NRG1: variants seen among roughly 807,000 people sequenced by gnomAD.
NRG1 encodes the protein pro-neuregulin-1, membrane-bound isoform.
Under a neutral mutation model 63.8 loss-of-function variants are expected in NRG1, and 18 were observed. The observed-to-expected ratio is 0.28, with a 90% CI of 0.19 to 0.42. The LOEUF is 0.42. NRG1 is among the 10% of genes least tolerant of loss of function. The pLI is 1.00. For synonymous variants in NRG1, 302 were observed against 301.3 expected, an observed-to-expected ratio of 1.00 and a Z score of -0.02; for missense variants, 762 against 814.7, an observed-to-expected ratio of 0.94 and a Z score of 0.79.
intron 1 of NRG1, among the ~76,000 whole-genome samples, chr8:31,900,711 TA>T (rs1354899176): frequency 1.3e-5 from 2 of 152,192 alleles, no homozygotes; most frequent in Non-Finnish European, 2.9e-5. Context: ...GTGGCGTATA[TA>T]AACTCCCACT....
At chr8:32,616,731 C>A in intron 4 of NRG1, 104 bp from the exon 5 acceptor site, 1 of 818,558 alleles carries the variant, frequency 1.2e-6, no homozygotes, top group Non-Finnish European at 2.2e-6. Context: ...GCACGGTGTT[C>A]TACTACTCTT....
intron 1 of NRG1, among the ~76,000 whole-genome samples, chr8:31,722,165 G>T (rs1158468654): frequency 6.6e-6 from 1 of 152,034 alleles, no homozygotes; most frequent in East Asian, 1.9e-4. Context: ...TCAGCCCCTG[G>T]CTACTTCCCT....
At chr8:32,155,341 T>A (rs760920228) in intron 1 of NRG1, among the ~76,000 whole-genome samples, 3 of 152,222 alleles carry the variant, frequency 2.0e-5, no homozygotes, top group African/African-American at 7.2e-5. Context: ...TTGAGTTTTC[T>A]TCCTTCAATT....
intron 1 of NRG1, among the ~76,000 whole-genome samples, chr8:32,318,065 G>A (rs1484400262): frequency 1.3e-5 from 2 of 152,164 alleles, no homozygotes; most frequent in African/African-American, 2.4e-5. Context: ...AAGAAAGGTA[G>A]GAAATAATCA....
intron 1 of NRG1, among the ~76,000 whole-genome samples, chr8:31,684,688 C>T (rs978105201): frequency 4.0e-5 from 6 of 151,784 alleles, no homozygotes; most frequent in East Asian, 3.9e-4. Flanking sequence ...TTTTTTTCAA[C>T]GTGTGATGTA....
At chr8:31,828,920 G>A (rs1274879806) in intron 1 of NRG1, among the ~76,000 whole-genome samples, 3 of 152,184 alleles carry the variant, frequency 2.0e-5, no homozygotes, top group Non-Finnish European at 2.9e-5. Flanking sequence ...CCTATTGAGT[G>A]TCAGTCATTT....
chr8:32,312,107 T>G (rs1057491891), intron 1 of NRG1, among the ~76,000 whole-genome samples: 5 of 151,748 alleles, frequency 3.3e-5, no homozygotes, highest in Admixed American at 6.6e-5. Context: ...AAATGTGGCT[T>G]TCTAGAACAC....
chr8:32,453,758 C>T (rs1282034920), intron 1 of NRG1, among the ~76,000 whole-genome samples: 2 of 152,152 alleles, frequency 1.3e-5, no homozygotes, highest in Admixed American at 6.5e-5. Context: ...CGACCTAAAA[C>T]ATTTATAATA....
chr8:32,015,616 G>A (rs905710943), intron 1 of NRG1, among the ~76,000 whole-genome samples: 122 of 152,172 alleles, frequency 8.0e-4, no homozygotes, highest in African/African-American at 2.7e-3. Flanking sequence ...ACACTTGTGC[G>A]CACGTAAATC....
intron 1 of NRG1, among the ~76,000 whole-genome samples, chr8:32,257,368 T>C (rs980435151): frequency 3.3e-5 from 5 of 152,164 alleles, no homozygotes; most frequent in Non-Finnish European, 5.9e-5. Flanking sequence ...TGTCTGCCCA[T>C]ATGGTAACCA....
At chr8:31,930,921 C>T (rs962185156) in intron 1 of NRG1, among the ~76,000 whole-genome samples, 1 of 152,172 alleles carries the variant, frequency 6.6e-6, no homozygotes, top group Non-Finnish European at 1.5e-5. Flanking sequence ...CCAGATGTTA[C>T]AGGCTCATGT....
intron 1 of NRG1, among the ~76,000 whole-genome samples, chr8:32,197,232 G>C (rs1426672322): frequency 1.3e-5 from 2 of 151,998 alleles, no homozygotes; most frequent in Non-Finnish European, 2.9e-5. Flanking sequence ...AAAGTGCTGG[G>C]ATTACAAGCA....
intron 1 of NRG1, among the ~76,000 whole-genome samples, chr8:31,996,814 G>A (rs1410296629): frequency 6.6e-6 from 1 of 151,934 alleles, no homozygotes; most frequent in African/African-American, 2.4e-5. Flanking sequence ...TGGTTGGATT[G>A]ATTTGTTGAG....
intron 1 of NRG1, among the ~76,000 whole-genome samples, chr8:32,261,072 A>G (rs942880958): frequency 3.0e-4 from 45 of 152,288 alleles, no homozygotes; most frequent in African/African-American, 8.4e-4. Context: ...ATGACCTTAG[A>G]TTTATGGGAA....
chr8:31,707,519 T>C (rs1396052410), intron 1 of NRG1, among the ~76,000 whole-genome samples: 2 of 152,116 alleles, frequency 1.3e-5, no homozygotes, highest in Non-Finnish European at 2.9e-5. Context: ...TTAACTTGTT[T>C]TATTCAAACA....
chr8:32,229,645 A>T (rs1447896623), intron 1 of NRG1, among the ~76,000 whole-genome samples: 1 of 152,128 alleles, frequency 6.6e-6, no homozygotes, highest in Non-Finnish European at 1.5e-5. Context: ...AACAAAAGAG[A>T]AAAAACAGAG....
chr8:32,451,796 G>T (rs965850587), intron 1 of NRG1, among the ~76,000 whole-genome samples: 2 of 152,064 alleles, frequency 1.3e-5, no homozygotes, highest in Non-Finnish European at 2.9e-5. Flanking sequence ...TATTTGGGGA[G>T]GATGAAGTTC....
chr8:31,678,654 T>C (rs1421762820), intron 1 of NRG1, among the ~76,000 whole-genome samples: 1 of 150,756 alleles, frequency 6.6e-6, no homozygotes, highest in East Asian at 1.9e-4. Context: ...ATTACTTATC[T>C]TCCTATATTC....
chr8:31,703,118 T>C (rs1408047493), intron 1 of NRG1, among the ~76,000 whole-genome samples: 2 of 148,550 alleles, frequency 1.3e-5, no homozygotes, highest in South Asian at 2.2e-4. Context: ...TATCAATACA[T>C]AGCTTAAATA....
Sources: allele counts gnomAD v4.1 joint callset (sites outside exome capture counted in the v4.1 genomes callset), GRCh38; gene constraint gnomAD v4.1.1; transcripts MANE v1.5; gene names NCBI Gene and HGNC (gene_info 2026-07-23, HGNC 2026-07-21).